RNF213: variants seen among roughly 807,000 people sequenced by gnomAD.
RNF213 encodes E3 ubiquitin-protein ligase RNF213.
In RNF213, 341 loss-of-function variants were observed where a neutral mutation model predicts 514.4. The ratio of observed to expected loss-of-function variants is 0.66; its 90% CI spans 0.61 to 0.73. The LOEUF is 0.73. Among genes scored for constraint, RNF213 ranks in the 30% least tolerant of loss-of-function variants. The pLI is 0.00. For missense variants in RNF213, 5,767 were observed against 6,615.6 expected (o/e 0.87, Z 4.45); for synonymous variants, 2,655 against 2,658.2 (o/e 1.00, Z 0.04).
rs1306423857 is a variant in RNF213 at position 80,288,753 on chromosome 17, C to G, written c.931C>G (p.Gln311Glu). The G allele has an allele frequency of 6.2e-7, 1 of 1,614,154 alleles. No individual in the cohort carries two copies. Among genetic ancestry groups the G allele is most frequent in the Non-Finnish European group, 8.5e-7 (1 of 1,180,042 alleles). Residue 311 changes from glutamine (Q) to glutamate (E), a missense_variant and splice_region_variant, in exon 5 of 68, where the codon CAG becomes GAG. By Grantham distance (29) the Gln-to-Glu change is conservative (BLOSUM62 2). Coordinates refer to ENST00000582970, the MANE Select transcript of RNF213 (RefSeq NM_001256071.3). The surrounding 1 kb of genome is among the most constrained non-coding windows in gnomAD (Gnocchi z 4.9). Reference sequence around the variant, plus strand: ...CACTCCTCCTTTCAAAACACACTGCCAGGTGCGTCTCCTTCCTGCCTGCCG... The same window carrying G: ...CACTCCTCCTTTCAAAACACACTGCGAGGTGCGTCTCCTTCCTGCCTGCCG... ...ATTPPFKTHC[Q>E]EAETKTKDEM...
In RNF213 at chr17:80,337,403, C is replaced by A. The variant is rs184401609; in HGVS notation, c.4528-183C>A. ...TACAAAGCAGCACTGAGTGACAGAT[C>A]ATGTTGTCAGGGTGGCACCTGGTCC... On this transcript the variant is annotated intron_variant, in intron 23 of 67. Transcript: ENST00000582970. The A allele has an allele frequency of 2.6e-3, 1,760 of 679,314 alleles. 5 individuals carry two copies. Among genetic ancestry groups the A allele is most frequent in the Non-Finnish European group, 3.0e-3 (1,217 of 409,972 alleles). 42.1% of individuals were successfully genotyped at this position (679,314 alleles called of 1,614,324 possible). A position where few individuals can be genotyped will look rare whatever the true frequency, so the allele number is the denominator to read the frequency against.
chr17:80,339,621 G>A lies in RNF213; in HGVS notation c.5254G>A (p.Ala1752Thr), dbSNP rs1284464856. The change falls in exon 26 of 68, where the codon GCC (alanine) becomes ACC (threonine). Residue 1752 changes from alanine (A) to threonine (T), a missense_variant. Around this residue, in one of 13 missense-constraint regions of RNF213, gnomAD observed 1,377 missense variants for 1,635.2 expected, o/e 0.84. Coordinates refer to ENST00000582970, the MANE Select transcript of RNF213 (RefSeq NM_001256071.3). ...GGCCTCTGTGGGGTGTGGGAGTGAG[G>A]CCGCCAGGTACCGCATGAGGAGAGT... is the stretch of plus-strand genomic sequence containing the variant. ...LRASVGCGSE[A>T]ARYRMRRVME... 3.3e-6 allele frequency: 5 copies of A among 1,537,078 alleles called. No individual in the cohort carries two copies. The African/African-American group carries it at 4.1e-5, about 13-fold the overall frequency.
chr17:80,381,297 A>G (rs2079990969), intron 56 of RNF213: 1 of 598,820 alleles, frequency 1.7e-6, no homozygotes, highest in South Asian at 1.9e-5. Flanking sequence ...TAGGGAAGAA[A>G]GAGCACACTG....
intron 67 of RNF213, among the ~76,000 whole-genome samples, chr17:80,391,402 C>G (rs1346479235): frequency 6.6e-6 from 1 of 152,012 alleles, no homozygotes; most frequent in Admixed American, 6.6e-5. Context: ...TCCCTAGTAG[C>G]TGGGATTACA....
chr17:80,381,192 G>C, intron 56 of RNF213: 2 of 641,980 alleles, frequency 3.1e-6, no homozygotes, highest in South Asian at 3.6e-5. Flanking sequence ...AGATTATACA[G>C]AATCCACTTC....
rs758334923 is a variant in RNF213 at position 80,353,043 on chromosome 17, C to T, written c.10407C>T (p.Pro3469=). 7.0e-5 allele frequency: 113 copies of T among 1,612,792 alleles called. 1 individual carries two copies. In the Middle Eastern group the frequency reaches 1.2e-3, roughly 16 times the overall value. Residue 3469 remains proline, a synonymous_variant, in exon 33 of 68, where the codon CCC becomes CCT. Coordinates refer to ENST00000582970, the MANE Select transcript of RNF213 (RefSeq NM_001256071.3). This position sits in a 1 kb window ranked among gnomAD's most constrained non-coding sequence, Gnocchi z 5.0. ...QHVTISQLFA[P]GDLPELGLEH... is the part of the protein sequence containing the mutation. ...TCACCATCAGCCAGCTGTTCGCGCC[C>T]GGAGACTTGCCTGAGCGTGAGTCAC...
In RNF213 at chr17:80,336,256, G is replaced by C. The variant is rs116694967; in HGVS notation, c.4405G>C (p.Val1469Leu). 1.9e-3 allele frequency: 2,851 copies of C among 1,537,228 alleles called. 52 individuals are homozygous for C. In the African/African-American group the frequency reaches 0.034, roughly 18 times the overall value. Reference protein sequence around the residue: ...VDRVACFHDAVQGYASLLFKL... With the variant: ...VDRVACFHDALQGYASLLFKL... ...CCGGGTGGCCTGCTTCCATGACGCT[G>C]TGCAGGGCTACGCATCCCTGCTATT... Residue 1469 changes from valine to leucine, a missense_variant, in exon 23 of 68, where the codon GTG (valine) becomes CTG (leucine). Val to Leu is a conservative substitution (Grantham distance 32). Transcript: ENST00000582970.
At chr17:80,329,172 GC>G (rs1242040273) in intron 20 of RNF213, among the ~76,000 whole-genome samples, 1 of 152,154 alleles carries the variant, frequency 6.6e-6, no homozygotes, top group Non-Finnish European at 1.5e-5. Flanking sequence ...TGGTTCCCAC[GC>G]CCCCCTCCCC....
rs756945622 is a variant in RNF213, at chr17:80,354,580, C to T, written c.10862+4C>T. ...TCCAGGAGGCGGGCACATTCAGGTA[C>T]TGTGACTAAAGGAAGCAAGGAGTGG... On this transcript the variant is annotated splice_donor_region_variant and intron_variant, in intron 36 of 67. Coordinates refer to ENST00000582970, the MANE Select transcript of RNF213 (RefSeq NM_001256071.3). 1 of 1,614,152 alleles carries T rather than the reference C, an allele frequency of 6.2e-7. No individual in the cohort carries two copies. Among genetic ancestry groups the T allele is most frequent in the Non-Finnish European group, 8.5e-7 (1 of 1,180,032 alleles).
chr17:80,398,616 C>A lies in RNF213; in HGVS notation c.*5118C>A, dbSNP rs2080706618. 6.7e-6 allele frequency: 1 copy of A among 148,550 alleles called. No individual in the cohort carries two copies. Among genetic ancestry groups the A allele is most frequent in the Non-Finnish European group, 1.5e-5 (1 of 67,270 alleles). The allele number at this position is 148,550 out of a possible 1,614,324, so 9.2% of individuals were successfully genotyped here. The stretch of plus-strand genomic sequence containing the variant: ...TTTTAGACTCCCCACCCGCCCGCCC[C>A]AACAGTGGTTGAGAGAACAGCAGCA... On this transcript the variant is annotated 3_prime_UTR_variant, in exon 68 of 68. Transcript: ENST00000582970.
intron 6 of RNF213, 80 bp downstream of exon 6, chr17:80,289,917 G>T (rs2044630478): frequency 1.4e-6 from 2 of 1,426,744 alleles, no homozygotes; most frequent in East Asian, 2.4e-5. Flanking sequence ...ACTCTCAGGG[G>T]ATATCCAGGC....
At chr17:80,319,630 G>T (rs1438092043) in intron 17 of RNF213, 1 of 1,520,258 alleles carries the variant, frequency 6.6e-7, no homozygotes, top group African/African-American at 1.4e-5. Context: ...CACTGTGGCT[G>T]CTGGTTTGAT....
At chr17:80,371,817 T>TA in intron 46 of RNF213, 57 bp from the exon 47 acceptor site, 1 of 882,740 alleles carries the variant, frequency 1.1e-6, no homozygotes, top group Non-Finnish European at 1.9e-6. Context: ...CTCTTTTTTT[T>TA]AGTAAGGTAT....
chr17:80,372,728 G>C lies in RNF213; in HGVS notation c.12745G>C (p.Gly4249Arg). 1 of 1,613,202 alleles carries C rather than the reference G, an allele frequency of 6.2e-7. No homozygotes were observed. Among genetic ancestry groups the C allele is most frequent in the Non-Finnish European group, 8.5e-7 (1 of 1,179,944 alleles). The stretch of plus-strand genomic sequence containing the variant: ...AGATTTCCTCTCGGAGCCTGAGGGA[G>C]GCCCAGGCAAGTCTTCTCTGCCTTG... ...AADFLSEPEG[G>R]PEMAKEKQCY... The change falls in exon 48 of 68, where the codon GGC (glycine) becomes CGC (arginine). Residue 4249 changes from glycine (G) to arginine (R), a missense_variant. Transcript: ENST00000582970.
At chr17:80,273,453 G>A (rs1285184563) in intron 3 of RNF213, 49 bp downstream of exon 3, 1 of 1,607,048 alleles carries the variant, frequency 6.2e-7, no homozygotes, top group Admixed American at 1.7e-5. Flanking sequence ...CTCTGCCCAG[G>A]AAAATCTCAC....
chr17:80,350,681 C>T (rs564503771), intron 31 of RNF213, among the ~76,000 whole-genome samples: 1 of 152,338 alleles, frequency 6.6e-6, no homozygotes, highest in Admixed American at 6.5e-5. Context: ...CACCTCTAGT[C>T]CCAGCTGCTC....
At chr17:80,382,154 GATTT>G (rs2080034677) in intron 57 of RNF213, 1 of 185,606 alleles carries the variant, frequency 5.4e-6, no homozygotes, top group African/African-American at 2.4e-5. Context: ...GTTGTGTGCT[GATTT>G]ATTAAATGTT....
intron 22 of RNF213, among the ~76,000 whole-genome samples, chr17:80,334,705 C>A (rs960393647): frequency 1.3e-5 from 2 of 151,734 alleles, no homozygotes; most frequent in African/African-American, 4.8e-5. Flanking sequence ...TGGCTCACTG[C>A]AAGCTCTGCC....
rs866488029 is a variant in RNF213 at position 80,306,777 on chromosome 17, G to A, written c.2427+309G>A. ...TGAGGCAGGAGAATGGTGTGAACCC[G>A]GGAGGCGGAGCTTGCAGTGAGCCGA... On this transcript the variant is annotated intron_variant, in intron 12 of 67. Coordinates refer to ENST00000582970, the MANE Select transcript of RNF213 (RefSeq NM_001256071.3). Among the ~76,000 whole-genome samples, 92 of 151,746 alleles carry A rather than the reference G, an allele frequency of 6.1e-4. No homozygotes were observed. The Middle Eastern group carries it at 0.01, about 17-fold the overall frequency.
Sources: gnomAD v4.1 joint callset for allele counts (sites outside exome capture counted in the v4.1 genomes callset) on GRCh38, gnomAD v4.1.1 for gene constraint, gnomAD v4.1.1 regional missense constraint, Gnocchi (gnomAD v3.1) non-coding constraint, MANE v1.5 for transcripts, NCBI Gene and HGNC (gene_info 2026-07-23, HGNC 2026-07-21) for gene names.